The following RRP12 variants were observed in gnomAD, a reference collection of about 807,000 sequenced individuals.
RRP12 encodes RRP12-like protein.
In RRP12, 78 loss-of-function variants were observed where a neutral mutation model predicts 157.3. That is an observed-to-expected ratio of 0.50 (90% CI 0.41 to 0.60). The LOEUF (loss-of-function observed/expected upper bound fraction) is 0.60. Ranked by LOEUF, RRP12 falls within the 20% of genes least tolerant of loss-of-function variation. The pLI, the probability that RRP12 is intolerant of heterozygous loss-of-function variation, is 0.00. For missense variants in RRP12, 1,521 were observed against 1,679.9 expected, an observed-to-expected ratio of 0.91 and a Z score of 1.65; for synonymous variants, 726 against 670.9, an observed-to-expected ratio of 1.08 and a Z score of -1.27.
chr10:97,384,055 T>C (rs951688316), intron 10 of RRP12, among the ~76,000 whole-genome samples: 10 of 148,342 alleles, frequency 6.7e-5, no homozygotes, highest in African/African-American at 2.3e-4. Flanking sequence ...CTCTCCAGTC[T>C]CCGGCTCACG....
chr10:97,387,893 G>C (rs1406599375), intron 8 of RRP12: 2 of 174,194 alleles, frequency 1.1e-5, no homozygotes, highest in East Asian at 4.1e-4. Context: ...AGTGAGCCAA[G>C]ATCGCGCCAT....
At chr10:97,390,178 C>T (rs952120418) in intron 6 of RRP12, among the ~76,000 whole-genome samples, 4 of 152,152 alleles carry the variant, frequency 2.6e-5, no homozygotes, top group Admixed American at 6.6e-5. Flanking sequence ...GGAGAGTCCA[C>T]GTCAACAGGG....
chr10:97,370,401 T>TC, intron 23 of RRP12, 54 bp downstream of exon 23: 1 of 1,409,988 alleles, frequency 7.1e-7, no homozygotes, highest in Non-Finnish European at 9.8e-7. Context: ...GAGGGGTGCT[T>TC]CCCCCCACCC....
At chr10:97,358,827 C>A in intron 32 of RRP12, 116 bp downstream of exon 32, 1 of 893,982 alleles carries the variant, frequency 1.1e-6, no homozygotes. Context: ...CTTTCCTGGC[C>A]TCAGTTGAGT....
chr10:97,390,310 G>A (rs1472684527), intron 6 of RRP12, 113 bp downstream of exon 6: 5 of 801,408 alleles, frequency 6.2e-6, no homozygotes, highest in Non-Finnish European at 1.1e-5. Context: ...GAAAGCAGAA[G>A]CCAGTACTCA....
chr10:97,370,863 G>T lies in RRP12; in HGVS notation c.2502+60C>A. On this transcript the variant is annotated intron_variant, in intron 21 of 33. Coordinates refer to ENST00000370992, the MANE Select transcript of RRP12 (RefSeq NM_015179.4). ...CTCCACCCAACAAGCCTCAACAGTGGCTCCTTTCCTGGTGTTGCCCAGGCT... is the reference window on the plus strand; with the variant it reads ...CTCCACCCAACAAGCCTCAACAGTGTCTCCTTTCCTGGTGTTGCCCAGGCT... 5.0e-6 allele frequency: 8 copies of T among 1,610,174 alleles called. No homozygotes were observed. The Middle Eastern group carries it at 5.0e-4, about 100-fold the overall frequency.
chr10:97,399,725 G>A (rs9888116), intron 2 of RRP12, among the ~76,000 whole-genome samples: 56,056 of 146,898 alleles, frequency 0.38, 10,893 homozygotes, highest in African/African-American at 0.49. Flanking sequence ...TTAGCTACTT[G>A]AATAATGCAC....
rs558348081 is a variant in RRP12, at chr10:97,363,761, C to T, written c.3567+93G>A. The stretch of plus-strand genomic sequence containing the variant: ...TGCACCGAGCATTCCAGAAACAGGG[C>T]AGTTCCAATGTCTACGTGTGGTGGG... On this transcript the variant is annotated intron_variant, in intron 30 of 33. Transcript: ENST00000370992. 37 of 1,140,620 alleles carry T rather than the reference C, an allele frequency of 3.2e-5. No individual in the cohort carries two copies. The East Asian group carries it at 8.2e-4, about 25-fold the overall frequency. 70.7% of individuals were successfully genotyped at this position (1,140,620 alleles called of 1,614,324 possible). A position where few individuals can be genotyped will look rare whatever the true frequency, so the allele number is the denominator to read the frequency against.
intron 3 of RRP12, among the ~76,000 whole-genome samples, chr10:97,394,607 G>A (rs1844902917): frequency 6.6e-6 from 1 of 152,044 alleles, no homozygotes; most frequent in Non-Finnish European, 1.5e-5. Context: ...ACAGGCTGGT[G>A]TCGAACTCCT....
chr10:97,365,696 G>A (rs1843956315), intron 29 of RRP12, among the ~76,000 whole-genome samples: 1 of 151,342 alleles, frequency 6.6e-6, no homozygotes, highest in South Asian at 2.1e-4. Flanking sequence ...GGATTGGGAA[G>A]TTGGGAGGGT....
At chr10:97,380,002 A>T (rs550110233) in intron 13 of RRP12, among the ~76,000 whole-genome samples, 1 of 152,302 alleles carries the variant, frequency 6.6e-6, no homozygotes, top group African/African-American at 2.4e-5. Context: ...TTCACACACA[A>T]ATGTAGATTT....
chr10:97,387,250 T>C (rs553133518), intron 8 of RRP12, among the ~76,000 whole-genome samples: 8 of 152,258 alleles, frequency 5.3e-5, no homozygotes, highest in African/African-American at 1.9e-4. Flanking sequence ...GAAAAAAAAC[T>C]GTACATGTTC....
chr10:97,368,923 C>G (rs112260357), intron 25 of RRP12, among the ~76,000 whole-genome samples: 11 of 152,362 alleles, frequency 7.2e-5, no homozygotes, highest in African/African-American at 2.6e-4. Context: ...CTACGCCAGC[C>G]TGGGCAAGGC....
At chr10:97,388,432 G>A in intron 7 of RRP12, 53 bp from the exon 8 acceptor site, 1 of 1,612,986 alleles carries the variant, frequency 6.2e-7, no homozygotes, top group Admixed American at 1.7e-5. Flanking sequence ...CGCAGGCCCT[G>A]TCCTGCTCTG....
At chr10:97,390,678 A>T (rs1844778662) in intron 5 of RRP12, 61 bp downstream of exon 5, 4 of 1,415,560 alleles carry the variant, frequency 2.8e-6, no homozygotes, top group East Asian at 2.3e-5. Flanking sequence ...ACATCTAAGC[A>T]TCACCAAATC....
At chr10:97,382,716 T>G (rs1844504777) in intron 10 of RRP12, among the ~76,000 whole-genome samples, 1 of 152,088 alleles carries the variant, frequency 6.6e-6, no homozygotes, top group African/African-American at 2.4e-5. Context: ...CAATATATCT[T>G]GGAGTTCTTT....
At position 97,388,196 on chromosome 10, in the gene RRP12, C is replaced by T; in HGVS notation, c.1017+56G>A. ...CTGCATTTTGACTGACCAGTGAGTT[C>T]CCCAAATGCCACCACTGCAGGTCCC... is the stretch of plus-strand genomic sequence containing the variant. On this transcript the variant is annotated intron_variant, in intron 8 of 33. Coordinates refer to ENST00000370992, the MANE Select transcript of RRP12 (RefSeq NM_015179.4). 4 of 1,608,904 alleles carry T rather than the reference C, an allele frequency of 2.5e-6. No homozygotes were observed. In the South Asian group the frequency reaches 3.3e-5, roughly 13 times the overall value.
At chr10:97,373,281 C>T (rs1339592447) in intron 17 of RRP12, 81 bp from the exon 18 acceptor site, 11 of 1,452,676 alleles carry the variant, frequency 7.6e-6, no homozygotes, top group Non-Finnish European at 1.0e-5. Context: ...GGCCCAGAGG[C>T]CCTCTCTTGG....
intron 4 of RRP12, among the ~76,000 whole-genome samples, chr10:97,391,659 C>T (rs1164480442): frequency 3.3e-5 from 5 of 152,134 alleles, no homozygotes; most frequent in Non-Finnish European, 7.3e-5. Context: ...CAGTGGCTCA[C>T]GCCTGTAATC....
Sources: gnomAD v4.1 joint callset for allele counts (sites outside exome capture counted in the v4.1 genomes callset) on GRCh38, gnomAD v4.1.1 for gene constraint, MANE v1.5 for transcripts, NCBI Gene and HGNC (gene_info 2026-07-23, HGNC 2026-07-21) for gene names.